Variants in DNAJC21 observed in about 807,000 individuals in gnomAD.
DNAJC21 encodes dnaJ homolog subfamily C member 21.
DNAJC21 carries 63 observed loss-of-function variants against 72.4 expected under a neutral mutation model. The observed-to-expected ratio is 0.87, with a 90% CI of 0.71 to 1.07. The LOEUF (loss-of-function observed/expected upper bound fraction) is 1.07, where lower values mean the gene tolerates loss of function less well. Among genes scored for constraint, DNAJC21 ranks in the 50% least tolerant of loss-of-function variants. The pLI is 0.00. For synonymous variants in DNAJC21, 203 were observed against 216.7 expected (o/e 0.94, Z 0.56); for missense variants, 634 against 644.8 (o/e 0.98, Z 0.18).
Position 34,937,388 on chromosome 5 carries a change from G to A in DNAJC21, c.501G>A (p.Lys167=). The A allele has an allele frequency of 1.2e-6, 2 of 1,613,886 alleles. No homozygotes were observed. Among genetic ancestry groups the A allele is most frequent in the Non-Finnish European group, 1.7e-6 (2 of 1,179,994 alleles). ...SFCTQKNFAW[K]EEYDTRQASN... ...GCACTCAAAAGAATTTTGCATGGAA[G>A]GAAGAATATGATACACGACAGGCTT... Residue 167 remains lysine, a synonymous_variant, in exon 5 of 12, where the codon AAG becomes AAA. Transcript: ENST00000648817.
intron 10 of DNAJC21, chr5:34,951,177 A>C: frequency 2.0e-6 from 2 of 985,430 alleles, no homozygotes; most frequent in Non-Finnish European, 2.4e-6. Flanking sequence ...GCTATAGAAA[A>C]AGGTATATAA....
Position 34,929,862 on chromosome 5 carries a change from A to C in DNAJC21, c.43A>C (p.Ser15Arg), listed in dbSNP as rs1441391830. ...GGCGCTGGGGGTGCGGCGCGACGCC[A>C]GCGAGGAGGAGCTCAAGAAGGCCTA... Reference protein sequence around the residue: ...YEALGVRRDASEEELKKAYRK... With the variant: ...YEALGVRRDAREEELKKAYRK... Residue 15 changes from serine to arginine, a missense_variant, in exon 1 of 12, where the codon AGC becomes CGC. Ser to Arg is a moderately radical substitution (Grantham distance 110, BLOSUM62 -1). Coordinates refer to ENST00000648817, the MANE Select transcript of DNAJC21 (RefSeq NM_001012339.3). 5 of 1,549,690 alleles carry C rather than the reference A, an allele frequency of 3.2e-6. No homozygotes were observed. Among genetic ancestry groups the C allele is most frequent in the Non-Finnish European group, 4.4e-6 (5 of 1,146,570 alleles).
intron 2 of DNAJC21, among the ~76,000 whole-genome samples, chr5:34,935,492 T>A (rs948652052): frequency 1.3e-5 from 2 of 152,194 alleles, no homozygotes; most frequent in Admixed American, 6.5e-5. Context: ...GGGCTAGCAT[T>A]GTATAATGTA....
chr5:34,949,367 T>G (rs566686882), intron 9 of DNAJC21, among the ~76,000 whole-genome samples: 2 of 152,002 alleles, frequency 1.3e-5, no homozygotes, highest in African/African-American at 4.8e-5. Flanking sequence ...TAAAGGAGAT[T>G]AAAGGTACCT....
At chr5:34,941,222 G>C (rs769785123) in intron 7 of DNAJC21, 39 bp downstream of exon 7, 2 of 1,562,998 alleles carry the variant, frequency 1.3e-6, no homozygotes, top group South Asian at 1.1e-5. Flanking sequence ...TTTTGAGACA[G>C]GGTCTCACTC....
intron 11 of DNAJC21, chr5:34,954,248 C>T: frequency 2.1e-6 from 1 of 465,638 alleles, no homozygotes; most frequent in Non-Finnish European, 3.7e-6. Context: ...AATCTAAAGC[C>T]TTGGTGATAA....
At chr5:34,954,530 T>G in intron 11 of DNAJC21, 23 bp from the exon 12 acceptor site, 1 of 1,582,382 alleles carries the variant, frequency 6.3e-7, no homozygotes, top group Admixed American at 1.9e-5. Context: ...TTACTTTTAT[T>G]TATGATTTTT....
intron 10 of DNAJC21, chr5:34,951,617 T>C (rs1417178735): frequency 1.1e-6 from 1 of 943,906 alleles, no homozygotes; most frequent in African/African-American, 1.8e-5. Flanking sequence ...AACCTCCGCC[T>C]CCTGGGTTCA....
chr5:34,935,007 T>A (rs1378699920), intron 2 of DNAJC21, among the ~76,000 whole-genome samples: 1 of 152,196 alleles, frequency 6.6e-6, no homozygotes, highest in African/African-American at 2.4e-5. Flanking sequence ...CTCAAGATCT[T>A]GGGTTGTTTT....
rs1315033965 is a variant in DNAJC21, at chr5:34,957,570, A to G, written c.*2856A>G. 6.6e-6 allele frequency: 1 copy of G among 152,178 alleles called. No individual in the cohort carries two copies. Among genetic ancestry groups the G allele is most frequent in the African/African-American group, 2.4e-5 (1 of 41,434 alleles). The allele number at this position is 152,178 out of a possible 1,614,324, so 9.4% of individuals were successfully genotyped here. A position where few individuals can be genotyped will look rare whatever the true frequency, so the allele number is the denominator to read the frequency against. On this transcript the variant is annotated 3_prime_UTR_variant, in exon 12 of 12. Coordinates refer to ENST00000648817, the MANE Select transcript of DNAJC21 (RefSeq NM_001012339.3). ...GGTGAAGTAATATTGGAATTTTGGT[A>G]CCATGAGAAGACTTATAAAGGATTT...
chr5:34,948,670 G>C (rs1305474177), intron 9 of DNAJC21, among the ~76,000 whole-genome samples: 1 of 152,168 alleles, frequency 6.6e-6, no homozygotes, highest in Non-Finnish European at 1.5e-5. Context: ...TTCAAGATCA[G>C]CTTGGCCAAC....
At chr5:34,947,348 T>C (rs922522607) in intron 9 of DNAJC21, among the ~76,000 whole-genome samples, 1 of 152,180 alleles carries the variant, frequency 6.6e-6, no homozygotes, top group Non-Finnish European at 1.5e-5. Context: ...TAGTATGTTT[T>C]TTGGTGGTAT....
intron 1 of DNAJC21, among the ~76,000 whole-genome samples, chr5:34,931,804 G>T (rs1764606063): frequency 6.6e-6 from 1 of 152,108 alleles, no homozygotes; most frequent in African/African-American, 2.4e-5. Context: ...GAGGGGGAAA[G>T]CGCAAGGGGA....
intron 11 of DNAJC21, 108 bp from the exon 12 acceptor site, chr5:34,954,445 A>G: frequency 7.4e-7 from 1 of 1,351,000 alleles, no homozygotes; most frequent in African/African-American, 1.5e-5. Flanking sequence ...CTCTGTTAAA[A>G]CATCTTTATT....
At chr5:34,934,902 T>C (rs112716881) in intron 2 of DNAJC21, among the ~76,000 whole-genome samples, 4 of 152,374 alleles carry the variant, frequency 2.6e-5, no homozygotes, top group African/African-American at 9.6e-5. Flanking sequence ...AACATTTCTC[T>C]ACTCAAGGAA....
At chr5:34,950,494 T>C (rs562722651) in intron 10 of DNAJC21, 152 bp downstream of exon 10, 6 of 1,337,526 alleles carry the variant, frequency 4.5e-6, no homozygotes, top group East Asian at 2.8e-5. Context: ...CACACACATA[T>C]GTATACAGAT....
At chr5:34,943,103 G>T (rs1765053529) in intron 7 of DNAJC21, among the ~76,000 whole-genome samples, 1 of 152,032 alleles carries the variant, frequency 6.6e-6, no homozygotes, top group Non-Finnish European at 1.5e-5. Context: ...ATTCTCTTAT[G>T]TAACCATGCT....
chr5:34,953,832 G>T, intron 10 of DNAJC21, 94 bp from the exon 11 acceptor site: 1 of 713,744 alleles, frequency 1.4e-6, no homozygotes, highest in South Asian at 4.3e-5. Flanking sequence ...TTAAAGTGCA[G>T]TTCACTTTTT....
chr5:34,950,032 A>G (rs1765307391), intron 9 of DNAJC21, 138 bp from the exon 10 acceptor site: 13 of 975,102 alleles, frequency 1.3e-5, no homozygotes, highest in Middle Eastern at 3.4e-4. Flanking sequence ...CTATCACTGT[A>G]ATGAGCATCC....
Sources: allele counts gnomAD v4.1 joint callset (sites outside exome capture counted in the v4.1 genomes callset), GRCh38; gene constraint gnomAD v4.1.1; transcripts MANE v1.5; gene names NCBI Gene and HGNC (gene_info 2026-07-23, HGNC 2026-07-21).